The following GRIN2D variants were observed in gnomAD, a reference collection of about 807,000 sequenced individuals.
GRIN2D encodes the protein glutamate ionotropic receptor NMDA type subunit 2D, also known as glutamate receptor ionotropic, NMDA 2D.
A neutral mutation model predicts 103.2 loss-of-function variants in GRIN2D; 37 were observed. The observed-to-expected ratio is 0.36, with a 90% CI of 0.28 to 0.47. The LOEUF (loss-of-function observed/expected upper bound fraction) is 0.47, where lower values mean the gene tolerates loss of function less well. Among genes scored for constraint, GRIN2D ranks in the 20% least tolerant of loss-of-function variants. GRIN2D has a pLI of 1.00. For synonymous variants in GRIN2D, 845 were observed against 885.6 expected (o/e 0.95, Z 0.81); for missense variants, 1,557 against 1,910.6 (o/e 0.81, Z 3.45).
chr19:48,405,491 T>G lies in GRIN2D; in HGVS notation c.1085+138T>G. On this transcript the variant is annotated intron_variant, in intron 4 of 13. Coordinates refer to ENST00000263269, the MANE Select transcript of GRIN2D (RefSeq NM_000836.4). The surrounding 1 kb of genome is among the most constrained non-coding windows in gnomAD (Gnocchi z 5.1). ...TTCTTTTCTGTAAAGTGGGTGCAATTGGGTCTCTTTTCTGAGGTTAAATCA... is the reference window on the plus strand; with the variant it reads ...TTCTTTTCTGTAAAGTGGGTGCAATGGGGTCTCTTTTCTGAGGTTAAATCA... The G allele has an allele frequency of 1.2e-6, 1 of 866,614 alleles. No homozygotes were observed. Among genetic ancestry groups the G allele is most frequent in the Non-Finnish European group, 1.7e-6 (1 of 600,982 alleles). The allele number at this position is 866,614 out of a possible 1,614,324, so 53.7% of individuals were successfully genotyped here.
chr19:48,416,148 C>T lies in GRIN2D; in HGVS notation c.1728C>T (p.Ala576=). ...GCAATGGCACGGTGTCCCCCTCGGC[C>T]TTCCTCGGTAATCTGGGGCCCTGGG... ...ARSNGTVSPS[A]FLEPYSPAVW... The change falls in exon 8 of 14, where the codon GCC becomes GCT. Residue 576 remains alanine, a synonymous_variant. Coordinates refer to ENST00000263269, the MANE Select transcript of GRIN2D (RefSeq NM_000836.4). The T allele has an allele frequency of 6.2e-7, 1 of 1,613,638 alleles. No individual in the cohort carries two copies. The highest frequency in any genetic ancestry group is 8.5e-7 in the Non-Finnish European group (1 of 1,179,904).
chr19:48,409,215 C>T (rs1263043152), intron 4 of GRIN2D, among the ~76,000 whole-genome samples: 1 of 150,196 alleles, frequency 6.7e-6, no homozygotes, highest in Non-Finnish European at 1.5e-5. Flanking sequence ...CTAAATGCTT[C>T]TTAAAGTTTC....
At chr19:48,400,981 C>T (rs1311561600) in intron 3 of GRIN2D, among the ~76,000 whole-genome samples, 8 of 151,370 alleles carry the variant, frequency 5.3e-5, no homozygotes, top group Admixed American at 1.3e-4. Context: ...CAGGAGTAAT[C>T]GCTTGAACCT....
At chr19:48,434,704 G>C (rs1374778455) in intron 11 of GRIN2D, among the ~76,000 whole-genome samples, 2 of 151,966 alleles carry the variant, frequency 1.3e-5, no homozygotes, top group African/African-American at 2.4e-5. Context: ...AAAGCGATGG[G>C]ATGACAAGCT....
Position 48,405,404 on chromosome 19 carries a change from T to C in GRIN2D, c.1085+51T>C, listed in dbSNP as rs1970780181. ...TGTGGGAGGGCTCCCAGAGCCTAACTACCTCAGTATTCACTGAATGAGTGG... is the reference window on the plus strand; with the variant it reads ...TGTGGGAGGGCTCCCAGAGCCTAACCACCTCAGTATTCACTGAATGAGTGG... On this transcript the variant is annotated intron_variant, in intron 4 of 13. Transcript: ENST00000263269. The surrounding 1 kb of genome is among the most constrained non-coding windows in gnomAD (Gnocchi z 5.1). The C allele has an allele frequency of 6.8e-7, 1 of 1,471,856 alleles. No homozygotes were observed. Among genetic ancestry groups the C allele is most frequent in the East Asian group, 2.4e-5 (1 of 41,930 alleles). The allele number at this position is 1,471,856 out of a possible 1,614,324, so 91.2% of individuals were successfully genotyped here.
intron 11 of GRIN2D, among the ~76,000 whole-genome samples, chr19:48,437,455 G>A (rs1345559118): frequency 6.6e-6 from 1 of 152,172 alleles, no homozygotes. Context: ...GGACCATGAA[G>A]GGGTGGTGGA....
At position 48,414,637 on chromosome 19, in the gene GRIN2D, C is replaced by A; in HGVS notation, c.1412+53C>A. On this transcript the variant is annotated intron_variant, in intron 6 of 13. Transcript: ENST00000263269. The surrounding 1 kb of genome is among the most constrained non-coding windows in gnomAD (Gnocchi z 4.6). The stretch of plus-strand genomic sequence containing the variant: ...GCTCCAAAACCCGCCTCCCGTGAAG[C>A]CCAGTAGTCTGGGCCCCCAGCCCCC... 1.3e-6 allele frequency: 2 copies of A among 1,494,148 alleles called. No homozygotes were observed. The highest frequency in any genetic ancestry group is 1.8e-6 in the Non-Finnish European group (2 of 1,098,248). 92.6% of individuals were successfully genotyped at this position (1,494,148 alleles called of 1,614,324 possible). A position where few individuals can be genotyped will look rare whatever the true frequency, so the allele number is the denominator to read the frequency against.
At chr19:48,417,076 A>T (rs373761231) in intron 8 of GRIN2D, among the ~76,000 whole-genome samples, 4 of 152,120 alleles carry the variant, frequency 2.6e-5, no homozygotes, top group Admixed American at 1.3e-4. Flanking sequence ...TGGTGTGGGG[A>T]TATATAATCA....
chr19:48,441,735 G>A (rs1971294242), intron 11 of GRIN2D, 34 bp from the exon 12 acceptor site: 2 of 1,578,606 alleles, frequency 1.3e-6, no homozygotes, highest in Non-Finnish European at 1.7e-6. Context: ...ATCTAGGTGG[G>A]ACTGACCCTA....
chr19:48,405,434 A>T lies in GRIN2D; in HGVS notation c.1085+81A>T. The T allele has an allele frequency of 7.5e-7, 1 of 1,328,112 alleles. No individual in the cohort carries two copies. The highest frequency in any genetic ancestry group is 1.0e-6 in the Non-Finnish European group (1 of 999,248). 82.3% of individuals were successfully genotyped at this position (1,328,112 alleles called of 1,614,324 possible). A position where few individuals can be genotyped will look rare whatever the true frequency, so the allele number is the denominator to read the frequency against. On this transcript the variant is annotated intron_variant, in intron 4 of 13. Coordinates refer to ENST00000263269, the MANE Select transcript of GRIN2D (RefSeq NM_000836.4). This position sits in a 1 kb window ranked among gnomAD's most constrained non-coding sequence, Gnocchi z 5.1. ...CAGTATTCACTGAATGAGTGGCTCA[A>T]ATGGGCCACATCTGCTCTTTGAGCC...
At chr19:48,436,769 C>T (rs1049379376) in intron 11 of GRIN2D, among the ~76,000 whole-genome samples, 1 of 152,162 alleles carries the variant, frequency 6.6e-6, no homozygotes, top group South Asian at 2.1e-4. Context: ...TTCCAGCAGG[C>T]AGAACAGCCA....
intron 8 of GRIN2D, among the ~76,000 whole-genome samples, chr19:48,418,178 C>T (rs1353328280): frequency 2.0e-5 from 3 of 151,818 alleles, no homozygotes; most frequent in East Asian, 1.9e-4. Flanking sequence ...GGACTACAGG[C>T]GCCCACCACG....
intron 11 of GRIN2D, among the ~76,000 whole-genome samples, chr19:48,431,713 C>A (rs1212855456): frequency 6.6e-6 from 1 of 151,648 alleles, no homozygotes; most frequent in African/African-American, 2.4e-5. Flanking sequence ...GCCTCCCAAG[C>A]AGCTCCGATT....
Position 48,419,733 on chromosome 19 carries a change from C to T in GRIN2D, c.2010C>T (p.Leu670=), listed in dbSNP as rs779563214. The T allele has an allele frequency of 6.2e-7, 1 of 1,613,718 alleles. No individual in the cohort carries two copies. Among genetic ancestry groups the T allele is most frequent in the East Asian group, 2.2e-5 (1 of 44,840 alleles). The change falls in exon 10 of 14, where the codon CTC becomes CTT. Residue 670 remains leucine, a synonymous_variant. Transcript: ENST00000263269. ...GGGCCTTCTTCGCCGTCATCTTCCT[C>T]GCCAGCTACACAGCCAACCTGGCCG... ...LVWAFFAVIF[L]ASYTANLAAF...
rs1423527231 is a variant in GRIN2D at position 48,443,009 on chromosome 19, C to G, written c.3083C>G (p.Pro1028Arg). The change falls in exon 14 of 14, where the codon CCG (proline) becomes CGG (arginine). Residue 1028 changes from proline (P) to arginine (R), a missense_variant. This residue lies in a region of GRIN2D where 632 missense variants were observed against 572.8 expected (regional missense o/e 1.10). Coordinates refer to ENST00000263269, the MANE Select transcript of GRIN2D (RefSeq NM_000836.4). This position sits in a 1 kb window ranked among gnomAD's most constrained non-coding sequence, Gnocchi z 8.9. ...CCCGCCGGCGCCTTCCCCGGCTTCC[C>G]GTCGCCGCCCGCGCCCCCCGCCGCC... ...EPPAGAFPGF[P>R]SPPAPPAAAA... 2 of 1,073,286 alleles carry G rather than the reference C, an allele frequency of 1.9e-6. No homozygotes were observed. Among genetic ancestry groups the G allele is most frequent in the Admixed American group, 5.4e-5 (1 of 18,660 alleles). 66.5% of individuals were successfully genotyped at this position (1,073,286 alleles called of 1,614,324 possible). A position where few individuals can be genotyped will look rare whatever the true frequency, so the allele number is the denominator to read the frequency against.
At chr19:48,419,449 C>A in intron 9 of GRIN2D, 90 bp downstream of exon 9, 1 of 1,488,642 alleles carries the variant, frequency 6.7e-7, no homozygotes, top group Non-Finnish European at 9.1e-7. Flanking sequence ...GGAGGGGGGG[C>A]GGTCAAGCTA....
chr19:48,427,431 C>G (rs1971099972), intron 11 of GRIN2D, among the ~76,000 whole-genome samples: 1 of 151,760 alleles, frequency 6.6e-6, no homozygotes, highest in Admixed American at 6.6e-5. Flanking sequence ...ATCCTTCTTG[C>G]CTCCTTGCCA....
At chr19:48,418,492 G>A (rs1444006025) in intron 8 of GRIN2D, among the ~76,000 whole-genome samples, 1 of 152,118 alleles carries the variant, frequency 6.6e-6, no homozygotes, top group Non-Finnish European at 1.5e-5. Context: ...TGTGCTGTGT[G>A]GGGGATAGGC....
intron 3 of GRIN2D, among the ~76,000 whole-genome samples, chr19:48,402,765 C>CGAGAGAGAGCGA (rs1970733352): frequency 9.2e-6 from 1 of 108,964 alleles, no homozygotes; most frequent in Non-Finnish European, 1.8e-5. Flanking sequence ...TACTCCTTTA[C>CGAGAGAGAGCGA]GAGAGAGAGA....
Sources: gnomAD v4.1 joint callset for allele counts (sites outside exome capture counted in the v4.1 genomes callset) on GRCh38, gnomAD v4.1.1 for gene constraint, gnomAD v4.1.1 regional missense constraint, Gnocchi (gnomAD v3.1) non-coding constraint, MANE v1.5 for transcripts, NCBI Gene and HGNC (gene_info 2026-07-23, HGNC 2026-07-21) for gene names.